IDS: variants seen among roughly 807,000 people sequenced by gnomAD.
The protein encoded by IDS is alpha-L-iduronate sulfate sulfatase.
In IDS, 1 loss-of-function variant was observed where a neutral mutation model predicts 33.5. The observed-to-expected ratio is 0.03, with a 90% CI of 0.01 to 0.14. The LOEUF (loss-of-function observed/expected upper bound fraction) is 0.14, where lower values mean the gene tolerates loss of function less well. Among genes scored for constraint, IDS ranks in the 10% least tolerant of loss-of-function variants. The pLI is 1.00. For synonymous variants in IDS, 191 were observed against 184.4 expected (o/e 1.04, Z -0.29); for missense variants, 328 against 448.0 (o/e 0.73, Z 2.42).
Position 149,498,148 on chromosome X carries a change from C to T in IDS, c.667G>A (p.Val223Ile), listed in dbSNP as rs200784263. The stretch of plus-strand genomic sequence containing the variant: ...GGGATGTGTGGCTTATGATACCCAA[C>T]GGCCAGGAAGAAAGGACTGGCTGAC... ...KTSASPFFLA[V>I]GYHKPHIPFR... Residue 223 changes from valine (V) to isoleucine (I), a missense_variant, in exon 5 of 9, where the codon GTT (valine) becomes ATT (isoleucine). Val to Ile is a conservative substitution (Grantham distance 29). Coordinates refer to ENST00000340855, the MANE Select transcript of IDS (RefSeq NM_000202.8). 87 of 1,209,759 alleles carry T rather than the reference C, an allele frequency of 7.2e-5. No homozygotes were observed. The Middle Eastern group carries it at 1.6e-3, about 22-fold the overall frequency.
chrX:149,486,886 T>A, intron 8 of IDS, 39 bp downstream of exon 8: 1 of 1,184,968 alleles, frequency 8.4e-7, no homozygotes, highest in Non-Finnish European at 1.1e-6. Context: ...CTAAAGGTGA[T>A]CTTACTGTCA....
Position 149,483,204 on chromosome X carries a change from C to G in IDS, c.1195G>C (p.Asp399His). The change falls in exon 9 of 9, where the codon GAC becomes CAC. Residue 399 changes from aspartate to histidine, a missense_variant. Around this residue, in one of 4 missense-constraint regions of IDS, gnomAD observed 265 missense variants for 339.2 expected, o/e 0.78. Transcript: ENST00000340855. ...AAAAGAGACACAAGTTCCACAAGGT[C>G]CATGGATTGCCTGCCTGAAACAGGA... ...QLMEPGRQSM[D>H]LVELVSLFPT... The G allele has an allele frequency of 8.3e-7, 1 of 1,208,329 alleles. No homozygotes were observed. The highest frequency in any genetic ancestry group is 1.1e-6 in the Non-Finnish European group (1 of 892,719).
intron 7 of IDS, 54 bp from the exon 8 acceptor site, chrX:149,487,152 C>T: frequency 2.5e-6 from 3 of 1,209,972 alleles, no homozygotes; most frequent in Non-Finnish European, 2.2e-6. Flanking sequence ...CATACCACAG[C>T]TTGTTTATTT....
Position 149,477,566 on chromosome X carries a change from T to C in IDS, c.*5180A>G, listed in dbSNP as rs1557336995. 1 of 113,043 alleles carries C rather than the reference T, an allele frequency of 8.8e-6. No individual in the cohort carries two copies. The highest frequency in any genetic ancestry group is 1.9e-5 in the Non-Finnish European group (1 of 53,387). 9.3% of individuals were successfully genotyped at this position (113,043 alleles called of 1,213,427 possible). A position where few individuals can be genotyped will look rare whatever the true frequency, so the allele number is the denominator to read the frequency against. ...ATCCTTTGGTGATTAGCACCATACA[T>C]GACAGTGATGTCAGGCAGGGCATGG... On this transcript the variant is annotated 3_prime_UTR_variant, in exon 9 of 9. Coordinates refer to ENST00000340855, the MANE Select transcript of IDS (RefSeq NM_000202.8).
At chrX:149,498,679 A>G (rs1490222320) in intron 4 of IDS, among the ~76,000 whole-genome samples, 2 of 113,173 alleles carry the variant, frequency 1.8e-5, no homozygotes, top group African/African-American at 3.2e-5. Flanking sequence ...CAAATGGCCA[A>G]TTGAACATGG....
Position 149,477,351 on chromosome X carries a change from A to G in IDS, c.*5395T>C, listed in dbSNP as rs1027446679. The G allele has an allele frequency of 8.9e-6, 1 of 112,303 alleles. No homozygotes were observed. The highest frequency in any genetic ancestry group is 1.9e-5 in the Non-Finnish European group (1 of 53,245). 9.3% of individuals were successfully genotyped at this position (112,303 alleles called of 1,213,427 possible). A position where few individuals can be genotyped will look rare whatever the true frequency, so the allele number is the denominator to read the frequency against. ...GTGCTGAATACACTACTAGACCTTGAGCTTTTGTTCCTCATTGGCAGTGGG... is the reference window on the plus strand; with the variant it reads ...GTGCTGAATACACTACTAGACCTTGGGCTTTTGTTCCTCATTGGCAGTGGG... On this transcript the variant is annotated 3_prime_UTR_variant, in exon 9 of 9. Coordinates refer to ENST00000340855, the MANE Select transcript of IDS (RefSeq NM_000202.8).
At chrX:149,500,919 T>C in intron 4 of IDS, 30 bp downstream of exon 4, 1 of 956,869 alleles carries the variant, frequency 1.0e-6, no homozygotes, top group African/African-American at 1.9e-5. Context: ...AAGTGGTTCC[T>C]CTTCAGAAAT....
At chrX:149,487,760 T>G (rs1460375342) in intron 7 of IDS, among the ~76,000 whole-genome samples, 2 of 109,241 alleles carry the variant, frequency 1.8e-5, no homozygotes, top group Non-Finnish European at 3.8e-5. Flanking sequence ...AAGTTGGAAA[T>G]ACCCAGTCTT....
Position 149,480,591 on chromosome X carries a change from T to C in IDS, c.*2155A>G, listed in dbSNP as rs1388243683. On this transcript the variant is annotated 3_prime_UTR_variant, in exon 9 of 9. Transcript: ENST00000340855. Reference sequence around the variant, plus strand: ...CGTCTCCTGGTTCAAGCGATTCTTGTGCCTTGGCCTCCCAAGAAGCTGGGA... The same window carrying C: ...CGTCTCCTGGTTCAAGCGATTCTTGCGCCTTGGCCTCCCAAGAAGCTGGGA... 3 of 282,697 alleles carry C rather than the reference T, an allele frequency of 1.1e-5. No homozygotes were observed. Among genetic ancestry groups the C allele is most frequent in the Non-Finnish European group, 1.9e-5 (3 of 161,666 alleles). 23.3% of individuals were successfully genotyped at this position (282,697 alleles called of 1,213,427 possible).
intron 2 of IDS, 134 bp from the exon 3 acceptor site, chrX:149,503,623 A>T (rs2089498803): frequency 1.8e-6 from 1 of 570,352 alleles, no homozygotes; most frequent in Non-Finnish European, 2.9e-6. Context: ...AGCTCAAACC[A>T]GACACTGGGA....
intron 6 of IDS, among the ~76,000 whole-genome samples, chrX:149,492,632 G>C (rs1256606133): frequency 9.0e-6 from 1 of 110,854 alleles, no homozygotes; most frequent in African/African-American, 3.3e-5. Flanking sequence ...TTCAAGGCGA[G>C]AAATTGACAT....
chrX:149,495,141 T>C (rs2089425790), intron 6 of IDS, among the ~76,000 whole-genome samples: 1 of 112,228 alleles, frequency 8.9e-6, no homozygotes, highest in Non-Finnish European at 1.9e-5. Flanking sequence ...TGAAGGGTCA[T>C]TTTAAGTGAC....
chrX:149,495,213 A>T (rs2089426316), intron 6 of IDS, among the ~76,000 whole-genome samples: 1 of 112,158 alleles, frequency 8.9e-6, no homozygotes, highest in Non-Finnish European at 1.9e-5. Flanking sequence ...CACCATCAGG[A>T]GCCCAGAAAC....
In IDS at chrX:149,498,269, C is replaced by T; in HGVS notation, c.546G>A (p.Leu182=). The change falls in exon 5 of 9, where the codon CTG becomes CTA. Residue 182 remains leucine (L), a synonymous_variant. Coordinates refer to ENST00000340855, the MANE Select transcript of IDS (RefSeq NM_000202.8). The stretch of plus-strand genomic sequence containing the variant: ...CATCCAGCACATCCACAGGGCAAAG[C>T]AGGTTGGCATGGAGTTCTCCATCTG... ...RGPDGELHAN[L]LCPVDVLDVP... The T allele has an allele frequency of 7.4e-6, 9 of 1,211,934 alleles. No homozygotes were observed. Among genetic ancestry groups the T allele is most frequent in the Non-Finnish European group, 1.0e-5 (9 of 895,304 alleles).
In IDS at chrX:149,505,248, A is replaced by T; in HGVS notation, c.-111T>A. The T allele has an allele frequency of 2.3e-6, 1 of 430,016 alleles. No individual in the cohort carries two copies. Among genetic ancestry groups the T allele is most frequent in the East Asian group, 4.5e-5 (1 of 22,186 alleles). 35.4% of individuals were successfully genotyped at this position (430,016 alleles called of 1,213,427 possible). A position where few individuals can be genotyped will look rare whatever the true frequency, so the allele number is the denominator to read the frequency against. ...ACCTCCTCGTCGGGAACCCATGAAG[A>T]CTGCGCAACACAGCCGCCGCCCGGG... On this transcript the variant is annotated 5_prime_UTR_variant, in exon 1 of 9. Coordinates refer to ENST00000340855, the MANE Select transcript of IDS (RefSeq NM_000202.8).
At position 149,482,751 on chromosome X, in the gene IDS, G is replaced by A. The variant is rs782260567; in HGVS notation, c.1648C>T (p.Pro550Ser). The change falls in exon 9 of 9, where the codon CCT becomes TCT. Residue 550 changes from proline (P) to serine (S), a missense_variant. Physicochemically the swap from Pro to Ser is moderately conservative, Grantham distance 74. Coordinates refer to ENST00000340855, the MANE Select transcript of IDS (RefSeq NM_000202.8). ...CCATCCATGGTTGGCAAAACTCAAG[G>A]CATCAACAACTGGAAAAGATCTCCA... The part of the protein sequence containing the change: ...QGGDLFQLLM[P>S] 8.3e-7 allele frequency: 1 copy of A among 1,210,366 alleles called. No individual in the cohort carries two copies. Among genetic ancestry groups the A allele is most frequent in the East Asian group, 3.0e-5 (1 of 33,802 alleles).
At chrX:149,504,400 T>C in intron 1 of IDS, 107 bp from the exon 2 acceptor site, 1 of 865,788 alleles carries the variant, frequency 1.2e-6, no homozygotes, top group South Asian at 2.3e-5. Context: ...CCCTGCACCT[T>C]AACAGCCTAG....
intron 1 of IDS, 76 bp downstream of exon 1, chrX:149,504,959 A>G: frequency 1.3e-6 from 1 of 760,503 alleles, no homozygotes; most frequent in Non-Finnish European, 2.0e-6. Flanking sequence ...ATAAACAAAG[A>G]AGGAAGGAAA....
Position 149,477,395 on chromosome X carries a change from G to T in IDS, c.*5351C>A, listed in dbSNP as rs781802397. 2.7e-5 allele frequency: 3 copies of T among 112,402 alleles called. No homozygotes were observed. The highest frequency in any genetic ancestry group is 9.7e-5 in the African/African-American group (3 of 30,819). The allele number at this position is 112,402 out of a possible 1,213,427, so 9.3% of individuals were successfully genotyped here. ...CAGTGGGAGCCCTCTTGCCTGGGCC[G>T]TCACATTACTCAGAGCCAAGTACCT... On this transcript the variant is annotated 3_prime_UTR_variant, in exon 9 of 9. Coordinates refer to ENST00000340855, the MANE Select transcript of IDS (RefSeq NM_000202.8).
Sources: allele counts gnomAD v4.1 joint callset (sites outside exome capture counted in the v4.1 genomes callset), GRCh38; gene constraint gnomAD v4.1.1; regional missense constraint gnomAD v4.1.1; transcripts MANE v1.5; gene names NCBI Gene and HGNC (gene_info 2026-07-23, HGNC 2026-07-21).